TAF1: variants seen among roughly 807,000 people sequenced by gnomAD.
TAF1 encodes the protein transcription initiation factor TFIID subunit 1.
TAF1 carries 2 observed loss-of-function variants against 138.5 expected under a neutral mutation model. The ratio of observed to expected loss-of-function variants is 0.01; its 90% CI spans 0.01 to 0.05. TAF1 has a LOEUF of 0.05. TAF1 is among the 10% of genes least tolerant of loss of function. TAF1 has a pLI of 1.00. For synonymous variants in TAF1, 437 were observed against 503.2 expected (o/e 0.87, Z 1.76); for missense variants, 709 against 1,478.0 (o/e 0.48, Z 8.53).
intron 29 of TAF1, 30 bp from the exon 30 acceptor site, chrX:71,423,087 C>G (rs773735550): frequency 2.5e-6 from 3 of 1,210,069 alleles, no homozygotes; most frequent in South Asian, 3.5e-5. Context: ...AGGGAAACCT[C>G]TGTCTTGGCT....
intron 18 of TAF1, among the ~76,000 whole-genome samples, chrX:71,390,855 C>T (rs925432803): frequency 4.5e-5 from 5 of 110,790 alleles, no homozygotes; most frequent in Non-Finnish European, 7.6e-5. Flanking sequence ...ATGAGCCGGG[C>T]GTGGTGGCGT....
intron 13 of TAF1, among the ~76,000 whole-genome samples, chrX:71,472,820 C>A (rs904388294): frequency 8.9e-6 from 1 of 112,228 alleles, no homozygotes; most frequent in Non-Finnish European, 1.9e-5. Context: ...AAGTTCCCTT[C>A]CCTACCCCTT....
At chrX:71,495,454 A>G (rs1242838690) in intron 13 of TAF1, among the ~76,000 whole-genome samples, 1 of 111,783 alleles carries the variant, frequency 8.9e-6, no homozygotes, top group Non-Finnish European at 1.9e-5. Context: ...TAAGAGTTTG[A>G]AAGGCATTGT....
intron 26 of TAF1, among the ~76,000 whole-genome samples, chrX:71,407,214 A>AT (rs1192482805): frequency 0.037 from 2,973 of 80,904 alleles, 194 homozygotes; most frequent in African/African-American, 0.11. Flanking sequence ...TGCTCGGCAG[A>AT]TTTTTTTTTT....
chrX:71,398,727 C>T lies in TAF1; in HGVS notation c.3776C>T (p.Pro1259Leu). 1 of 1,202,445 alleles carries T rather than the reference C, an allele frequency of 8.3e-7. No homozygotes were observed. Among genetic ancestry groups the T allele is most frequent in the Non-Finnish European group, 1.1e-6 (1 of 892,596 alleles). Residue 1259 changes from proline to leucine, a missense_variant, in exon 24 of 38, where the codon CCT (proline) becomes CTT (leucine). Physicochemically the swap from Pro to Leu is moderately conservative, Grantham distance 98 (BLOSUM62 -3). Around this residue, in one of 14 missense-constraint regions of TAF1, gnomAD observed 21 missense variants for 101.3 expected, o/e 0.21. Coordinates refer to ENST00000423759, the MANE Select transcript of TAF1 (RefSeq NM_004606.5). ...EKKPKKMKER[P>L]DLKLKCGACG... ...AAGCCCAAGAAAATGAAGGAGCGTCCTGACCTAAAAGTAAGTATAATGTGG... is the reference window on the plus strand; with the variant it reads ...AAGCCCAAGAAAATGAAGGAGCGTCTTGACCTAAAAGTAAGTATAATGTGG...
intron 13 of TAF1, among the ~76,000 whole-genome samples, chrX:71,481,971 ATAGG>A (rs758545343): frequency 8.9e-6 from 1 of 112,251 alleles, no homozygotes; most frequent in African/African-American, 3.2e-5. Flanking sequence ...AAGTCCAGAG[ATAGG>A]TAGTTGTTGG....
chrX:71,520,383 T>C (rs977258004), intron 13 of TAF1, among the ~76,000 whole-genome samples: 1 of 110,216 alleles, frequency 9.1e-6, no homozygotes, highest in African/African-American at 3.3e-5. Flanking sequence ...TCATAACCCA[T>C]TTAAGATTTT....
chrX:71,529,106 C>G (rs1289991942), intron 14 of TAF1, among the ~76,000 whole-genome samples: 2 of 106,044 alleles, frequency 1.9e-5, no homozygotes, highest in Non-Finnish European at 3.9e-5. Flanking sequence ...GAGTCTCGCT[C>G]TGTCGCCCAG....
Position 71,373,613 on chromosome X carries a change from T to G in TAF1, c.353-1554T>G, listed in dbSNP as rs779624539. On this transcript the variant is annotated intron_variant, in intron 3 of 37. Transcript: ENST00000423759. ...GGGAATTTAAAAGAGATAAAGGATATTTCAGTGTTTTATAAGGTACAGCTG... is the reference window on the plus strand; with the variant it reads ...GGGAATTTAAAAGAGATAAAGGATAGTTCAGTGTTTTATAAGGTACAGCTG... Among the ~76,000 whole-genome samples, 8 of 112,031 alleles carry G rather than the reference T, an allele frequency of 7.1e-5. No individual in the cohort carries two copies. In the South Asian group the frequency reaches 1.5e-3, roughly 21 times the overall value.
chrX:71,523,914 C>T (rs2039948201), intron 13 of TAF1, among the ~76,000 whole-genome samples: 1 of 111,155 alleles, frequency 9.0e-6, no homozygotes, highest in African/African-American at 3.3e-5. Context: ...GAACTTTTAA[C>T]TCACCCTAGA....
At chrX:71,509,307 GGGTCTTA>G (rs1602883851) in intron 13 of TAF1, among the ~76,000 whole-genome samples, 1 of 111,612 alleles carries the variant, frequency 9.0e-6, no homozygotes, top group Non-Finnish European at 1.9e-5. Flanking sequence ...AAAATTATCA[GGGTCTTA>G]GCCAGGCAGG....
chrX:71,410,791 TC>T (rs1187102540), intron 28 of TAF1, among the ~76,000 whole-genome samples: 3 of 108,784 alleles, frequency 2.8e-5, no homozygotes, highest in Non-Finnish European at 5.7e-5. Flanking sequence ...TTTGTGATTT[TC>T]TTTTTTTGGA....
At chrX:71,446,067 T>G (rs1381616171) in intron 32 of TAF1, among the ~76,000 whole-genome samples, 1 of 110,267 alleles carries the variant, frequency 9.1e-6, no homozygotes, top group Non-Finnish European at 1.9e-5. Flanking sequence ...TGCGTCACCA[T>G]GCCTGGCCAA....
chrX:71,514,476 A>C (rs1428604951), intron 13 of TAF1, among the ~76,000 whole-genome samples: 1 of 108,846 alleles, frequency 9.2e-6, no homozygotes, highest in South Asian at 4.0e-4. Flanking sequence ...AAAAAAAAAA[A>C]AAAAAAAACC....
chrX:71,389,475 C>T, intron 17 of TAF1, 110 bp from the exon 18 acceptor site: 1 of 574,705 alleles, frequency 1.7e-6, no homozygotes, highest in Non-Finnish European at 2.9e-6. Flanking sequence ...TTATGGAATC[C>T]ATCTATGCAA....
chrX:71,454,948 C>A, intron 34 of TAF1, 91 bp downstream of exon 34: 1 of 1,183,336 alleles, frequency 8.5e-7, no homozygotes, highest in South Asian at 1.9e-5. Context: ...ACTGAGATAC[C>A]ATTCTTCTCT....
intron 37 of TAF1, among the ~76,000 whole-genome samples, chrX:71,463,291 T>C (rs753539231): frequency 7.2e-5 from 8 of 111,233 alleles, no homozygotes; most frequent in Non-Finnish European, 1.1e-4. Flanking sequence ...TGATTTTTTT[T>C]TCAAGTAAAA....
intron 32 of TAF1, among the ~76,000 whole-genome samples, chrX:71,443,377 A>G (rs1043030261): frequency 9.0e-6 from 1 of 111,704 alleles, no homozygotes; most frequent in African/African-American, 3.3e-5. Context: ...GGTCCTTCAC[A>G]TCGCTTGTAA....
intron 29 of TAF1, 45 bp downstream of exon 29, chrX:71,421,421 G>T: frequency 1.0e-6 from 1 of 962,648 alleles, no homozygotes; most frequent in East Asian, 3.2e-5. Flanking sequence ...TTTGAAGGTG[G>T]GGGTGGGATA....
Sources: allele counts gnomAD v4.1 joint callset (sites outside exome capture counted in the v4.1 genomes callset), GRCh38; gene constraint gnomAD v4.1.1; regional missense constraint gnomAD v4.1.1; transcripts MANE v1.5; gene names NCBI Gene and HGNC (gene_info 2026-07-23, HGNC 2026-07-21).